Variants in PKHD1 observed in about 807,000 individuals in gnomAD.
The protein encoded by PKHD1 is PKHD1 ciliary IPT domain containing fibrocystin/polyductin.
In PKHD1, 291 loss-of-function variants were observed where a neutral mutation model predicts 412.0. The ratio of observed to expected loss-of-function variants is 0.71; its 90% CI spans 0.64 to 0.78. PKHD1 has a LOEUF of 0.78. Ranked by LOEUF, PKHD1 falls within the 30% of genes least tolerant of loss-of-function variation. PKHD1 has a pLI of 0.00. For synonymous variants in PKHD1, 1,777 were observed against 1,821.5 expected, an observed-to-expected ratio of 0.98 and a Z score of 0.62; for missense variants, 4,825 against 4,950.7, an observed-to-expected ratio of 0.97 and a Z score of 0.76.
intron 53 of PKHD1, among the ~76,000 whole-genome samples, chr6:51,777,249 C>T (rs1162629181): frequency 6.6e-6 from 1 of 152,096 alleles, no homozygotes; most frequent in Non-Finnish European, 1.5e-5. Flanking sequence ...GCTGACACTT[C>T]CTATATACCT....
intron 52 of PKHD1, among the ~76,000 whole-genome samples, chr6:51,797,306 C>T (rs1035753542): frequency 6.6e-6 from 1 of 152,120 alleles, no homozygotes; most frequent in Non-Finnish European, 1.5e-5. Flanking sequence ...CTATAGATAT[C>T]TATCAGGCCC....
intron 27 of PKHD1, among the ~76,000 whole-genome samples, chr6:52,039,303 A>G (rs78956396): frequency 7.2e-4 from 109 of 151,312 alleles, no homozygotes; most frequent in African/African-American, 2.3e-3. Context: ...GTAATTCCCA[A>G]TGTTGGGGAA....
At chr6:51,705,263 T>A (rs981612408) in intron 60 of PKHD1, among the ~76,000 whole-genome samples, 2 of 151,810 alleles carry the variant, frequency 1.3e-5, no homozygotes, top group Non-Finnish European at 2.9e-5. Context: ...GGGAGTGGAC[T>A]TGGTGTCAAA....
intron 43 of PKHD1, among the ~76,000 whole-genome samples, chr6:51,900,770 C>G (rs1392092205): frequency 6.6e-6 from 1 of 151,786 alleles, no homozygotes; most frequent in African/African-American, 2.4e-5. Context: ...ACAACCTACT[C>G]ATCTGACAAA....
At chr6:52,079,087 C>G (rs1447574219) in intron 5 of PKHD1, among the ~76,000 whole-genome samples, 1 of 152,154 alleles carries the variant, frequency 6.6e-6, no homozygotes, top group African/African-American at 2.4e-5. Flanking sequence ...CAGAGGTACC[C>G]CATGTGAAGG....
intron 35 of PKHD1, among the ~76,000 whole-genome samples, chr6:52,006,812 C>T (rs1799140705): frequency 6.6e-6 from 1 of 152,054 alleles, no homozygotes; most frequent in South Asian, 2.1e-4. Flanking sequence ...TACACTGAAC[C>T]CAATTTGTAG....
At chr6:51,988,480 C>G (rs1796475254) in intron 35 of PKHD1, among the ~76,000 whole-genome samples, 1 of 152,152 alleles carries the variant, frequency 6.6e-6, no homozygotes, top group Non-Finnish European at 1.5e-5. Flanking sequence ...ATTCCCCCAC[C>G]TTGCTCCCAC....
chr6:51,664,795 C>G (rs1381928770), intron 60 of PKHD1, among the ~76,000 whole-genome samples: 1 of 152,076 alleles, frequency 6.6e-6, no homozygotes, highest in Non-Finnish European at 1.5e-5. Flanking sequence ...TTCCTATTTT[C>G]TCCCATTTTT....
At chr6:51,924,382 A>G (rs1204502921) in intron 37 of PKHD1, among the ~76,000 whole-genome samples, 1 of 152,244 alleles carries the variant, frequency 6.6e-6, no homozygotes, top group Non-Finnish European at 1.5e-5. Context: ...GTTGAAAAAC[A>G]GGACAGAAGG....
chr6:51,828,460 T>A (rs10456649), intron 52 of PKHD1, among the ~76,000 whole-genome samples: 67,376 of 151,966 alleles, frequency 0.44, 16,029 homozygotes, highest in Middle Eastern at 0.61. Flanking sequence ...ACTATCACCA[T>A]CATTACTATC....
intron 36 of PKHD1, among the ~76,000 whole-genome samples, chr6:51,939,193 C>T (rs1412189216): frequency 6.6e-6 from 1 of 151,106 alleles, no homozygotes; most frequent in Non-Finnish European, 1.5e-5. Context: ...GTCTCTACCC[C>T]TTCTCCACTT....
At position 51,666,661 on chromosome 6, in the gene PKHD1, A is replaced by C. The variant is rs906039061; in HGVS notation, c.10157-6692T>G. Among the ~76,000 whole-genome samples the C allele has an allele frequency of 1.2e-3, 182 of 150,676 alleles. 1 individual carries two copies. The highest frequency in any genetic ancestry group is 4.2e-3 in the African/African-American group (172 of 41,088). On this transcript the variant is annotated intron_variant, in intron 60 of 66. Coordinates refer to ENST00000371117, the MANE Select transcript of PKHD1 (RefSeq NM_138694.4). ...TGCACCCACTAACTCGTCATCTAGC[A>C]TTAGGTATATCTCCCAATGCTATCC...
intron 51 of PKHD1, among the ~76,000 whole-genome samples, chr6:51,835,077 T>C (rs1203380463): frequency 6.6e-6 from 1 of 152,216 alleles, no homozygotes; most frequent in African/African-American, 2.4e-5. Flanking sequence ...GCTTTCTATT[T>C]CTCAGCAGTT....
intron 20 of PKHD1, among the ~76,000 whole-genome samples, chr6:52,053,764 C>G (rs1266201648): frequency 6.6e-6 from 1 of 152,152 alleles, no homozygotes; most frequent in Non-Finnish European, 1.5e-5. Flanking sequence ...TCTGTCATGT[C>G]AAAGAATGTT....
At chr6:51,949,369 C>T (rs1789963830) in intron 36 of PKHD1, among the ~76,000 whole-genome samples, 1 of 152,140 alleles carries the variant, frequency 6.6e-6, no homozygotes, top group Non-Finnish European at 1.5e-5. Flanking sequence ...GTAAGGAGAG[C>T]TGGCTGAGTG....
Position 51,775,892 on chromosome 6 carries a change from G to A in PKHD1, c.8470C>T (p.Gln2824Ter). The change falls in exon 54 of 67, where the codon CAA becomes TAA. Residue 2824 changes from glutamine (Q) to a stop codon, truncating the protein, a stop_gained. Transcript: ENST00000371117. LOFTEE classifies it high-confidence loss of function. ...GCTCTAAGGAGAATCAGAAGCTTTT[G>A]TTCCTTTTCTAAGGGATTTTCTAAA... The part of the protein sequence containing the change: ...GTLENPLEKE[Q>*]KLLILLRASE... The A allele has an allele frequency of 3.1e-6, 5 of 1,589,336 alleles. No homozygotes were observed. The highest frequency in any genetic ancestry group is 3.5e-6 in the Non-Finnish European group (4 of 1,158,760).
At chr6:52,083,286 T>C in intron 2 of PKHD1, 31 bp from the exon 3 acceptor site, 1 of 1,407,098 alleles carries the variant, frequency 7.1e-7, no homozygotes, top group South Asian at 1.2e-5. Flanking sequence ...ACATTGGTTT[T>C]GAAGGTCAGA....
chr6:52,026,584 C>T (rs1039651596), intron 31 of PKHD1, among the ~76,000 whole-genome samples: 1 of 152,160 alleles, frequency 6.6e-6, no homozygotes, highest in Non-Finnish European at 1.5e-5. Flanking sequence ...GTCCTGTATA[C>T]ATTCAACTTA....
chr6:51,715,456 T>C lies in PKHD1; in HGVS notation c.10156+28929A>G, dbSNP rs896545483. On this transcript the variant is annotated intron_variant, in intron 60 of 66. Transcript: ENST00000371117. ...AATTTTGATTTATCACTCATGTATATTCTTCCAGATACCTAGTATGCCTAG... is the reference window on the plus strand; with the variant it reads ...AATTTTGATTTATCACTCATGTATACTCTTCCAGATACCTAGTATGCCTAG... 3.3e-5 allele frequency among the ~76,000 whole-genome samples: 5 copies of C among 152,218 alleles called. No individual in the cohort carries two copies. The South Asian group carries it at 6.2e-4, about 19-fold the overall frequency.
Sources: allele counts gnomAD v4.1 joint callset (sites outside exome capture counted in the v4.1 genomes callset), GRCh38; gene constraint gnomAD v4.1.1; transcripts MANE v1.5; gene names NCBI Gene and HGNC (gene_info 2026-07-23, HGNC 2026-07-21).